UTRN: variants seen among roughly 807,000 people sequenced by gnomAD.
UTRN encodes dystrophin-related protein 1.
In UTRN, 283 loss-of-function variants were observed where a neutral mutation model predicts 463.9. The ratio of observed to expected loss-of-function variants is 0.61; its 90% CI spans 0.55 to 0.67. The LOEUF is 0.67. Ranked by LOEUF, UTRN falls within the 30% of genes least tolerant of loss-of-function variation. UTRN has a pLI of 0.00. For synonymous variants in UTRN, 1,442 were observed against 1,431.5 expected (o/e 1.01, Z -0.17); for missense variants, 3,922 against 4,084.3 (o/e 0.96, Z 1.08).
At chr6:144,563,381 T>G (rs1215626773) in intron 50 of UTRN, among the ~76,000 whole-genome samples, 1 of 152,184 alleles carries the variant, frequency 6.6e-6, no homozygotes, top group Non-Finnish European at 1.5e-5. Flanking sequence ...CATTTATTCT[T>G]TGTCCAATTT....
intron 34 of UTRN, among the ~76,000 whole-genome samples, chr6:144,506,665 T>C (rs770254239): frequency 9.2e-5 from 14 of 152,218 alleles, no homozygotes; most frequent in Non-Finnish European, 1.8e-4. Context: ...GTGGGTAACC[T>C]GACCTTTCTC....
chr6:144,384,540 A>G (rs1781243751), intron 2 of UTRN, among the ~76,000 whole-genome samples: 3 of 152,058 alleles, frequency 2.0e-5, no homozygotes, highest in Admixed American at 6.6e-5. Context: ...TTGGTGCCAA[A>G]AAGGTTAGGG....
chr6:144,442,659 A>C (rs1490160205), intron 13 of UTRN, among the ~76,000 whole-genome samples: 1 of 152,176 alleles, frequency 6.6e-6, no homozygotes, highest in Non-Finnish European at 1.5e-5. Context: ...TAAAACCATC[A>C]GATCTCGTGA....
intron 58 of UTRN, among the ~76,000 whole-genome samples, chr6:144,760,042 T>C (rs980606204): frequency 6.6e-6 from 1 of 152,192 alleles, no homozygotes; most frequent in African/African-American, 2.4e-5. Context: ...TTTATGTTTA[T>C]ATCATGATTA....
chr6:144,286,528 T>C lies in UTRN; in HGVS notation c.-93+707T>C, dbSNP rs1803675370. ...TGTGTAGTCCCGCGCAGTCGCCGGCTCTCCTTTTCCGGACTCTGGGGATCT... is the reference window on the plus strand; with the variant it reads ...TGTGTAGTCCCGCGCAGTCGCCGGCCCTCCTTTTCCGGACTCTGGGGATCT... On this transcript the variant is annotated intron_variant, in intron 1 of 74. Transcript: ENST00000367545. The surrounding 1 kb of genome is among the most constrained non-coding windows in gnomAD (Gnocchi z 4.4). 6.6e-6 allele frequency among the ~76,000 whole-genome samples: 1 copy of C among 151,914 alleles called. No individual in the cohort carries two copies. Among genetic ancestry groups the C allele is most frequent in the Non-Finnish European group, 1.5e-5 (1 of 67,952 alleles).
At chr6:144,643,269 G>C (rs1777944950) in intron 51 of UTRN, among the ~76,000 whole-genome samples, 1 of 152,072 alleles carries the variant, frequency 6.6e-6, no homozygotes, top group Admixed American at 6.5e-5. Context: ...AAGTTGGTAG[G>C]GGGGACTTTA....
At chr6:144,622,260 G>A (rs1341115257) in intron 51 of UTRN, among the ~76,000 whole-genome samples, 1 of 126,838 alleles carries the variant, frequency 7.9e-6, no homozygotes, top group Non-Finnish European at 1.5e-5. Flanking sequence ...TTGGCTCACT[G>A]CCACCTCCGC....
intron 49 of UTRN, 37 bp from the exon 50 acceptor site, chr6:144,557,120 A>C: frequency 6.3e-7 from 1 of 1,599,594 alleles, no homozygotes; most frequent in South Asian, 1.1e-5. Flanking sequence ...TTACTGAGTG[A>C]CCAAGTCTAA....
chr6:144,824,854 A>C (rs1172764420), intron 66 of UTRN, among the ~76,000 whole-genome samples: 1 of 151,394 alleles, frequency 6.6e-6, no homozygotes, highest in African/African-American at 2.4e-5. Context: ...AAGCAGAACA[A>C]GTTTTCTTGT....
chr6:144,840,852 G>A lies in UTRN; in HGVS notation c.10270+20G>A. 6.2e-7 allele frequency: 1 copy of A among 1,613,172 alleles called. No homozygotes were observed. Among genetic ancestry groups the A allele is most frequent in the Non-Finnish European group, 8.5e-7 (1 of 1,179,526 alleles). On this transcript the variant is annotated intron_variant, in intron 73 of 74. Transcript: ENST00000367545. ...GCTGCCGTGAGTATGAAAGATTGCAGCACCACAGCTGCACGTGTTCCTTCC... is the reference window on the plus strand; with the variant it reads ...GCTGCCGTGAGTATGAAAGATTGCAACACCACAGCTGCACGTGTTCCTTCC...
chr6:144,651,293 A>G (rs956588436), intron 51 of UTRN, among the ~76,000 whole-genome samples: 30 of 152,154 alleles, frequency 2.0e-4, no homozygotes, highest in Non-Finnish European at 4.3e-4. Flanking sequence ...AACTAAAACT[A>G]TCTAAATCTC....
intron 34 of UTRN, among the ~76,000 whole-genome samples, chr6:144,508,505 G>A (rs1455682139): frequency 3.3e-5 from 5 of 152,214 alleles, no homozygotes; most frequent in Non-Finnish European, 2.9e-5. Context: ...AGGGGAGGGA[G>A]TTCCCCAACC....
rs1779929254 is a variant in UTRN, at chr6:144,824,572, T to TA, written c.9495-2776_9495-2775insA. 9.5e-4 allele frequency among the ~76,000 whole-genome samples: 36 copies of TA among 37,920 alleles called. 1 individual carries two copies. The highest frequency in any genetic ancestry group is 2.5e-3 in the East Asian group (3 of 1,190). The allele number at this position is 37,920 out of a possible 152,430, so 24.9% of individuals were successfully genotyped here. On this transcript the variant is annotated intron_variant, in intron 66 of 74. Transcript: ENST00000367545. The stretch of plus-strand genomic sequence containing the variant: ...TATATATATTAATATAGCATTTTAT[T>TA]TATATATATATATATATATATATAT...
chr6:144,433,601 G>T (rs1786169388), intron 9 of UTRN, among the ~76,000 whole-genome samples: 1 of 150,890 alleles, frequency 6.6e-6, no homozygotes, highest in Non-Finnish European at 1.5e-5. Context: ...CGGTTGCCAG[G>T]CAGAGGGTCT....
intron 2 of UTRN, among the ~76,000 whole-genome samples, chr6:144,366,899 TC>T (rs1779557879): frequency 6.6e-6 from 1 of 152,250 alleles, no homozygotes; most frequent in Non-Finnish European, 1.5e-5. Context: ...CTCTGCCACT[TC>T]GCCAGTGCCT....
intron 51 of UTRN, among the ~76,000 whole-genome samples, chr6:144,672,501 C>G (rs1047901644): frequency 6.6e-6 from 1 of 152,046 alleles, no homozygotes; most frequent in Non-Finnish European, 1.5e-5. Context: ...TCTGTAGTAT[C>G]AGTTGTAGTA....
At chr6:144,608,824 A>G (rs1805161313) in intron 51 of UTRN, among the ~76,000 whole-genome samples, 1 of 152,156 alleles carries the variant, frequency 6.6e-6, no homozygotes, top group Admixed American at 6.5e-5. Context: ...TGGGTTTGAG[A>G]AGAGTAATTT....
At position 144,447,601 on chromosome 6, in the gene UTRN, G is replaced by T. The variant is rs1456720027; in HGVS notation, c.1723-1G>T. On this transcript the variant is annotated splice_acceptor_variant, in intron 15 of 74. Coordinates refer to ENST00000367545, the MANE Select transcript of UTRN (RefSeq NM_007124.3). LOFTEE classifies it high-confidence loss of function. ...CATCTAATAAATATCTGAAATACTAGATTTTGAAGGAAGACATGGAAATGA... is the reference window on the plus strand; with the variant it reads ...CATCTAATAAATATCTGAAATACTATATTTTGAAGGAAGACATGGAAATGA... The T allele has an allele frequency of 1.9e-6, 3 of 1,612,036 alleles. No individual in the cohort carries two copies. The highest frequency in any genetic ancestry group is 2.7e-5 in the African/African-American group (2 of 74,836).
At chr6:144,801,409 T>C (rs1777685642) in intron 64 of UTRN, among the ~76,000 whole-genome samples, 1 of 152,122 alleles carries the variant, frequency 6.6e-6, no homozygotes, top group African/African-American at 2.4e-5. Context: ...TGCATCTTTC[T>C]CTGTGGCTTC....
Sources: gnomAD v4.1 joint callset for allele counts (sites outside exome capture counted in the v4.1 genomes callset) on GRCh38, gnomAD v4.1.1 for gene constraint, Gnocchi (gnomAD v3.1) non-coding constraint, MANE v1.5 for transcripts, NCBI Gene and HGNC (gene_info 2026-07-23, HGNC 2026-07-21) for gene names.